The following GBE1 variants were observed in gnomAD, a reference collection of about 807,000 sequenced individuals.
GBE1 encodes the protein 1,4-alpha-glucan branching enzyme 1.
In GBE1, 70 loss-of-function variants were observed where a neutral mutation model predicts 88.8. The observed-to-expected ratio is 0.79, with a 90% CI of 0.65 to 0.96. The LOEUF is 0.96. Among genes scored for constraint, GBE1 ranks in the 40% least tolerant of loss-of-function variants. The pLI, the probability that GBE1 is intolerant of heterozygous loss-of-function variation, is 0.00. For synonymous variants in GBE1, 284 were observed against 300.1 expected, an observed-to-expected ratio of 0.95 and a Z score of 0.56; for missense variants, 872 against 871.0, an observed-to-expected ratio of 1.00 and a Z score of -0.01.
intron 1 of GBE1, among the ~76,000 whole-genome samples, chr3:81,751,722 TA>T (rs1201725408): frequency 1.2e-4 from 19 of 152,358 alleles, no homozygotes; most frequent in African/African-American, 4.6e-4. Context: ...TCTATTTCTA[TA>T]ATTCATTGCT....
chr3:81,719,241 G>C (rs2107187183), intron 1 of GBE1, among the ~76,000 whole-genome samples: 1 of 152,222 alleles, frequency 6.6e-6, no homozygotes, highest in African/African-American at 2.4e-5. Context: ...TTTTGAGACA[G>C]AGTTTTATTC....
intron 5 of GBE1, 64 bp from the exon 6 acceptor site, chr3:81,646,546 A>G: frequency 3.4e-6 from 3 of 871,024 alleles, no homozygotes; most frequent in Non-Finnish European, 5.5e-6. Context: ...AATGGGGAAA[A>G]AAAGCATCCT....
intron 1 of GBE1, among the ~76,000 whole-genome samples, chr3:81,719,457 T>G (rs1401513291): frequency 6.6e-6 from 1 of 152,128 alleles, no homozygotes; most frequent in East Asian, 1.9e-4. Flanking sequence ...CCTCAAGTGA[T>G]TCACCTGCCT....
intron 3 of GBE1, among the ~76,000 whole-genome samples, chr3:81,652,029 G>A (rs552906343): frequency 3.3e-5 from 5 of 152,320 alleles, no homozygotes; most frequent in African/African-American, 1.2e-4. Flanking sequence ...AAGAAGGCAA[G>A]GCCCTGACCA....
chr3:81,524,694 C>G (rs1702921020), intron 14 of GBE1, among the ~76,000 whole-genome samples: 1 of 151,722 alleles, frequency 6.6e-6, no homozygotes, highest in South Asian at 2.1e-4. Flanking sequence ...GTTCTTGGCA[C>G]CTTTGTTGAA....
chr3:81,626,366 C>T (rs558998656), intron 7 of GBE1, among the ~76,000 whole-genome samples: 1 of 152,062 alleles, frequency 6.6e-6, no homozygotes, highest in South Asian at 2.1e-4. Flanking sequence ...TGAAATAGCT[C>T]CTAAAGGTAA....
intron 14 of GBE1, among the ~76,000 whole-genome samples, chr3:81,528,878 C>A (rs78169514): frequency 1.5e-3 from 227 of 152,068 alleles, no homozygotes; most frequent in African/African-American, 5.3e-3. Context: ...ATAGGTGAAG[C>A]ATGTTTATTG....
chr3:81,646,651 C>T, intron 5 of GBE1, 169 bp from the exon 6 acceptor site: 1 of 565,168 alleles, frequency 1.8e-6, no homozygotes, highest in Non-Finnish European at 3.1e-6. Context: ...GACCTTCTAA[C>T]AACATTGGAT....
chr3:81,758,991 T>A (rs968396130), intron 1 of GBE1, among the ~76,000 whole-genome samples: 1 of 152,190 alleles, frequency 6.6e-6, no homozygotes, highest in African/African-American at 2.4e-5. Flanking sequence ...GACCTGATGG[T>A]TTTAAAAAGG....
chr3:81,529,291 TTA>T (rs567158037), intron 14 of GBE1, among the ~76,000 whole-genome samples: 3 of 152,164 alleles, frequency 2.0e-5, no homozygotes, highest in South Asian at 4.1e-4. Context: ...TTGTTTGTAT[TTA>T]TATCTTATTA....
intron 1 of GBE1, among the ~76,000 whole-genome samples, chr3:81,748,566 G>A (rs565233403): frequency 4.0e-5 from 6 of 151,356 alleles, no homozygotes; most frequent in Middle Eastern, 3.5e-3. Context: ...AGCCGAGACC[G>A]CGCCACTGCA....
chr3:81,543,222 G>A (rs1417882304), intron 12 of GBE1, among the ~76,000 whole-genome samples: 1 of 151,956 alleles, frequency 6.6e-6, no homozygotes. Flanking sequence ...TTCTGAAAAT[G>A]TTCCTTCAGA....
intron 15 of GBE1, among the ~76,000 whole-genome samples, chr3:81,497,823 T>G (rs1394731067): frequency 6.6e-6 from 1 of 152,178 alleles, no homozygotes; most frequent in African/African-American, 2.4e-5. Flanking sequence ...GGCATCTAAC[T>G]CTTTTGATTA....
chr3:81,522,222 A>T (rs1330179156), intron 14 of GBE1, among the ~76,000 whole-genome samples: 1 of 151,628 alleles, frequency 6.6e-6, no homozygotes, highest in African/African-American at 2.4e-5. Context: ...TAGCTGGCAC[A>T]TAGAACAGGT....
intron 7 of GBE1, among the ~76,000 whole-genome samples, chr3:81,638,271 A>G (rs1419714220): frequency 6.6e-6 from 1 of 152,130 alleles, no homozygotes; most frequent in Non-Finnish European, 1.5e-5. Context: ...AAATATAACT[A>G]TATTAATTTT....
At chr3:81,753,609 G>A (rs1208501704) in intron 1 of GBE1, among the ~76,000 whole-genome samples, 3 of 152,148 alleles carry the variant, frequency 2.0e-5, no homozygotes, top group Non-Finnish European at 4.4e-5. Context: ...TCAGGAGGTG[G>A]TGCAGCAGGT....
intron 1 of GBE1, among the ~76,000 whole-genome samples, chr3:81,722,718 T>C (rs1706050311): frequency 6.6e-6 from 1 of 151,654 alleles, no homozygotes; most frequent in South Asian, 2.1e-4. Context: ...TAATCCAAAA[T>C]ATGGCCAGCT....
At chr3:81,759,077 C>T (rs1219262678) in intron 1 of GBE1, among the ~76,000 whole-genome samples, 3 of 152,304 alleles carry the variant, frequency 2.0e-5, no homozygotes, top group East Asian at 1.9e-4. Flanking sequence ...GCCATGATTG[C>T]GAGGCATCCT....
chr3:81,581,911 C>T (rs779453382), intron 10 of GBE1, among the ~76,000 whole-genome samples: 4 of 151,950 alleles, frequency 2.6e-5, no homozygotes, highest in Non-Finnish European at 4.4e-5. Context: ...TTAGTAATTG[C>T]TCTCCCTTAA....
Sources: allele counts gnomAD v4.1 joint callset (sites outside exome capture counted in the v4.1 genomes callset), GRCh38; gene constraint gnomAD v4.1.1; transcripts MANE v1.5; gene names NCBI Gene and HGNC (gene_info 2026-07-23, HGNC 2026-07-21).